The following LRMDA variants were observed in gnomAD, a reference collection of about 807,000 sequenced individuals.
LRMDA encodes the protein leucine-rich melanocyte differentiation-associated protein.
A neutral mutation model predicts 29.8 loss-of-function variants in LRMDA; 18 were observed. The observed-to-expected ratio is 0.60, with a 90% CI of 0.42 to 0.90. The LOEUF (loss-of-function observed/expected upper bound fraction) is 0.90, where lower values mean the gene tolerates loss of function less well. Ranked by LOEUF, LRMDA falls within the 40% of genes least tolerant of loss-of-function variation. The probability of loss-of-function intolerance (pLI) is 0.00; values close to 1 mark genes in which losing one functional copy is unlikely to be tolerated. For synonymous variants in LRMDA, 125 were observed against 109.4 expected (o/e 1.14, Z -0.89); for missense variants, 273 against 273.9 (o/e 1.00, Z 0.02).
chr10:76,543,975 G>C (rs1343847625), intron 6 of LRMDA, among the ~76,000 whole-genome samples: 1 of 152,158 alleles, frequency 6.6e-6, no homozygotes, highest in Non-Finnish European at 1.5e-5. Flanking sequence ...AATTCTCTGT[G>C]TGATGCTAAG....
intron 5 of LRMDA, among the ~76,000 whole-genome samples, chr10:76,133,826 C>T (rs1234355721): frequency 6.6e-6 from 1 of 151,952 alleles, no homozygotes; most frequent in Non-Finnish European, 1.5e-5. Flanking sequence ...GACAACCTCA[C>T]ACTGAAGTTG....
At chr10:75,919,023 C>T (rs1159145140) in intron 2 of LRMDA, among the ~76,000 whole-genome samples, 1 of 152,122 alleles carries the variant, frequency 6.6e-6, no homozygotes, top group East Asian at 1.9e-4. Context: ...ATTTTGTGGG[C>T]TTTACGTATC....
intron 5 of LRMDA, among the ~76,000 whole-genome samples, chr10:76,123,165 A>C (rs1357137664): frequency 2.0e-5 from 3 of 152,070 alleles, no homozygotes; most frequent in Admixed American, 6.6e-5. Flanking sequence ...TTGGGATTGA[A>C]TTCTACTGGG....
intron 5 of LRMDA, among the ~76,000 whole-genome samples, chr10:76,307,425 G>T (rs766090598): frequency 1.3e-5 from 2 of 152,174 alleles, no homozygotes; most frequent in Non-Finnish European, 2.9e-5. Flanking sequence ...GACTTACACA[G>T]GAGGTCGTCT....
intron 2 of LRMDA, among the ~76,000 whole-genome samples, chr10:75,476,279 A>G (rs1307325135): frequency 6.6e-6 from 1 of 152,182 alleles, no homozygotes; most frequent in East Asian, 1.9e-4. Context: ...AATATTTTGC[A>G]CATGTGTGGC....
chr10:76,140,691 A>ACTCT lies in LRMDA; in HGVS notation c.516+81921_516+81924dup, dbSNP rs150544970. 9.8e-3 allele frequency among the ~76,000 whole-genome samples: 1,478 copies of ACTCT among 150,678 alleles called. 28 individuals are homozygous for ACTCT. The highest frequency in any genetic ancestry group is 0.034 in the African/African-American group (1,412 of 41,118). On this transcript the variant is annotated intron_variant, in intron 5 of 6. Transcript: ENST00000611255. ...TTTCTCTCCCCAAGTACAGGGTGGA[A>ACTCT]CTCTCTCTCTCTCTCTGAAGTTCTC...
intron 4 of LRMDA, among the ~76,000 whole-genome samples, chr10:76,056,359 T>C (rs1218803289): frequency 6.6e-6 from 1 of 152,230 alleles, no homozygotes; most frequent in Non-Finnish European, 1.5e-5. Context: ...ACGAAACTGG[T>C]AGCCCAGCCC....
chr10:76,036,001 AT>A lies in LRMDA; in HGVS notation c.132-5del, dbSNP rs1564635488. On this transcript the variant is annotated splice_polypyrimidine_tract_variant and splice_region_variant and intron_variant, in intron 2 of 6. Transcript: ENST00000611255. ...GATCATTTTTCCTGTTGCCTTTGTCATTGCAGGTCACTGGAAGGACTGAGCG... is the reference window on the plus strand; with the variant it reads ...GATCATTTTTCCTGTTGCCTTTGTCATGCAGGTCACTGGAAGGACTGAGCG... 1.2e-6 allele frequency: 2 copies of A among 1,612,864 alleles called. No individual in the cohort carries two copies. The highest frequency in any genetic ancestry group is 1.7e-6 in the Non-Finnish European group (2 of 1,179,632).
At chr10:75,718,232 C>T (rs186889254) in intron 2 of LRMDA, among the ~76,000 whole-genome samples, 59 of 152,276 alleles carry the variant, frequency 3.9e-4, no homozygotes, top group Middle Eastern at 6.8e-3. Flanking sequence ...GTGGATTGGC[C>T]GTGGAGACTC....
intron 2 of LRMDA, among the ~76,000 whole-genome samples, chr10:75,524,991 G>A (rs1845397933): frequency 6.6e-6 from 1 of 152,104 alleles, no homozygotes; most frequent in South Asian, 2.1e-4. Context: ...ACTCTTTTAG[G>A]TACAAGTGAC....
intron 2 of LRMDA, among the ~76,000 whole-genome samples, chr10:75,750,136 T>G (rs1842937523): frequency 6.6e-6 from 1 of 152,228 alleles, no homozygotes; most frequent in Non-Finnish European, 1.5e-5. Flanking sequence ...CTCAATGAGC[T>G]GTTGGGTACA....
At chr10:76,036,193 A>G (rs1589297794) in intron 3 of LRMDA, 59 bp downstream of exon 3, 3 of 1,496,132 alleles carry the variant, frequency 2.0e-6, no homozygotes, top group Admixed American at 2.0e-5. Context: ...TCGTCCCCCA[A>G]CCCCACCCTG....
chr10:76,482,796 C>T (rs1428873026), intron 6 of LRMDA, among the ~76,000 whole-genome samples: 2 of 152,052 alleles, frequency 1.3e-5, no homozygotes, highest in Non-Finnish European at 2.9e-5. Context: ...TCACATTATT[C>T]AGTTCAATTC....
At chr10:75,772,861 G>A (rs1366007435) in intron 2 of LRMDA, among the ~76,000 whole-genome samples, 2 of 100,906 alleles carry the variant, frequency 2.0e-5, no homozygotes, top group African/African-American at 3.1e-5. Context: ...TTTTTGGGGG[G>A]GGTGGGATGG....
intron 5 of LRMDA, among the ~76,000 whole-genome samples, chr10:76,282,033 G>A (rs1840213197): frequency 6.6e-6 from 1 of 152,148 alleles, no homozygotes; most frequent in Non-Finnish European, 1.5e-5. Context: ...TGGCAAAGAT[G>A]CCTCTGTAAT....
chr10:76,368,961 T>G (rs537010600), intron 6 of LRMDA, among the ~76,000 whole-genome samples: 2 of 152,312 alleles, frequency 1.3e-5, no homozygotes, highest in South Asian at 4.1e-4. Flanking sequence ...AATGCCTTTT[T>G]CCACTCCTTC....
intron 2 of LRMDA, among the ~76,000 whole-genome samples, chr10:75,630,315 T>C (rs1841307008): frequency 6.6e-6 from 1 of 152,220 alleles, no homozygotes; most frequent in South Asian, 2.1e-4. Flanking sequence ...CATCCCCCGC[T>C]TCCCTCTCCA....
chr10:75,927,445 C>T (rs1846138763), intron 2 of LRMDA, among the ~76,000 whole-genome samples: 1 of 152,208 alleles, frequency 6.6e-6, no homozygotes, highest in South Asian at 2.1e-4. Context: ...ACTCTTCCCT[C>T]TTCCTCTTCT....
intron 2 of LRMDA, among the ~76,000 whole-genome samples, chr10:75,509,746 GT>G (rs1347481373): frequency 1.3e-5 from 2 of 152,184 alleles, no homozygotes; most frequent in Non-Finnish European, 2.9e-5. Context: ...AGTCACTTCA[GT>G]TTTCTGGCCT....
Sources: gnomAD v4.1 joint callset for allele counts (sites outside exome capture counted in the v4.1 genomes callset) on GRCh38, gnomAD v4.1.1 for gene constraint, MANE v1.5 for transcripts, NCBI Gene and HGNC (gene_info 2026-07-23, HGNC 2026-07-21) for gene names.